The following PHKB variants were observed in gnomAD, a reference collection of about 807,000 sequenced individuals.
PHKB encodes phosphorylase kinase regulatory subunit beta, also known as phosphorylase b kinase regulatory subunit beta.
Under a neutral mutation model 152.1 loss-of-function variants are expected in PHKB, and 122 were observed. The observed-to-expected ratio is 0.80, with a 90% CI of 0.69 to 0.93. The LOEUF (loss-of-function observed/expected upper bound fraction) is 0.93, where lower values mean the gene tolerates loss of function less well. Ranked by LOEUF, PHKB falls within the 40% of genes least tolerant of loss-of-function variation. The pLI, the probability that PHKB is intolerant of heterozygous loss-of-function variation, is 0.00. For missense variants in PHKB, 1,304 were observed against 1,328.4 expected, an observed-to-expected ratio of 0.98 and a Z score of 0.29; for synonymous variants, 436 against 464.9, an observed-to-expected ratio of 0.94 and a Z score of 0.80.
chr16:47,614,188 T>C (rs968902637), intron 14 of PHKB, among the ~76,000 whole-genome samples: 11 of 152,130 alleles, frequency 7.2e-5, no homozygotes, highest in African/African-American at 2.7e-4. Flanking sequence ...TACACATTTT[T>C]AAACAACCAG....
chr16:47,493,188 G>C (rs1316621337), intron 1 of PHKB, among the ~76,000 whole-genome samples: 1 of 152,154 alleles, frequency 6.6e-6, no homozygotes, highest in Non-Finnish European at 1.5e-5. Flanking sequence ...TATGCTTGCT[G>C]TCTCATTCCT....
intron 14 of PHKB, among the ~76,000 whole-genome samples, chr16:47,611,725 A>G (rs535058829): frequency 6.6e-6 from 1 of 152,270 alleles, no homozygotes; most frequent in East Asian, 1.9e-4. Flanking sequence ...AGAAAGGGAG[A>G]GCCAACAGCC....
chr16:47,535,544 G>A (rs924107507), intron 6 of PHKB, among the ~76,000 whole-genome samples: 1 of 152,130 alleles, frequency 6.6e-6, no homozygotes, highest in African/African-American at 2.4e-5. Flanking sequence ...ATTGTTTTTA[G>A]TAACATATGG....
At chr16:47,632,660 G>A (rs1430913617) in intron 14 of PHKB, among the ~76,000 whole-genome samples, 3 of 152,096 alleles carry the variant, frequency 2.0e-5, no homozygotes, top group Admixed American at 2.0e-4. Context: ...TTTCATAATT[G>A]TTAAATTTTT....
At chr16:47,634,369 C>T (rs1972879410) in intron 14 of PHKB, among the ~76,000 whole-genome samples, 1 of 152,176 alleles carries the variant, frequency 6.6e-6, no homozygotes, top group Non-Finnish European at 1.5e-5. Flanking sequence ...CTTGCATGGG[C>T]AGTCATTCAT....
chr16:47,604,660 T>C (rs146395645), intron 13 of PHKB, among the ~76,000 whole-genome samples: 12 of 152,324 alleles, frequency 7.9e-5, no homozygotes, highest in African/African-American at 2.9e-4. Context: ...ACTTGCTCTG[T>C]TAAGTTTTCT....
At chr16:47,547,601 A>C in intron 7 of PHKB, 53 bp downstream of exon 7, 2 of 962,568 alleles carry the variant, frequency 2.1e-6, no homozygotes, top group South Asian at 2.7e-5. Flanking sequence ...ATGGAATTTG[A>C]ATATGAAGAA....
At chr16:47,533,500 C>T (rs868039060) in intron 6 of PHKB, among the ~76,000 whole-genome samples, 3 of 152,190 alleles carry the variant, frequency 2.0e-5, no homozygotes, top group South Asian at 2.1e-4. Flanking sequence ...CCGCCCTCAA[C>T]CCTGCCTTGG....
chr16:47,478,886 T>A (rs1969916844), intron 1 of PHKB, among the ~76,000 whole-genome samples: 1 of 152,168 alleles, frequency 6.6e-6, no homozygotes, highest in Non-Finnish European at 1.5e-5. Context: ...TACAGTAGCA[T>A]AAAGAAATGA....
At chr16:47,628,845 A>G (rs1028753744) in intron 14 of PHKB, among the ~76,000 whole-genome samples, 14 of 152,162 alleles carry the variant, frequency 9.2e-5, no homozygotes, top group Non-Finnish European at 2.1e-4. Flanking sequence ...ATGGAACAGA[A>G]CAGAGCCCTC....
At chr16:47,636,819 C>T (rs759081978) in intron 14 of PHKB, among the ~76,000 whole-genome samples, 3 of 152,100 alleles carry the variant, frequency 2.0e-5, no homozygotes, top group Admixed American at 2.0e-4. Context: ...GGCTCCTGGG[C>T]GGGTCCCTGG....
In PHKB at chr16:47,669,305, A is replaced by G. The variant is rs1341452744; in HGVS notation, c.2518A>G (p.Asn840Asp). 1.2e-6 allele frequency: 2 copies of G among 1,613,968 alleles called. No individual in the cohort carries two copies. Among genetic ancestry groups the G allele is most frequent in the Non-Finnish European group, 1.7e-6 (2 of 1,179,804 alleles). ...VIQNIIYYKC[N>D]THDEREAVIQ... is the part of the protein sequence containing the mutation. Reference sequence around the variant, plus strand: ...TCAAAACATCATCTATTATAAGTGTAACACCCATGATGAGAGGGAAGCGGT... The same window carrying G: ...TCAAAACATCATCTATTATAAGTGTGACACCCATGATGAGAGGGAAGCGGT... Residue 840 changes from asparagine to aspartate, a missense_variant, in exon 26 of 31, where the codon AAC becomes GAC. Asn to Asp is a conservative substitution (Grantham distance 23). Transcript: ENST00000323584.
intron 14 of PHKB, among the ~76,000 whole-genome samples, chr16:47,633,397 T>A (rs901517376): frequency 6.6e-6 from 1 of 152,114 alleles, no homozygotes; most frequent in Non-Finnish European, 1.5e-5. Flanking sequence ...ACATCCTAAG[T>A]GAGAAAAGTA....
At chr16:47,578,181 TCTTA>T (rs771644418) in intron 7 of PHKB, among the ~76,000 whole-genome samples, 8 of 152,226 alleles carry the variant, frequency 5.3e-5, no homozygotes, top group South Asian at 2.1e-4. Context: ...ACTTTCTGTT[TCTTA>T]CTTAAGGATT....
intron 14 of PHKB, among the ~76,000 whole-genome samples, chr16:47,615,245 G>A (rs886763994): frequency 5.3e-5 from 8 of 152,160 alleles, no homozygotes; most frequent in African/African-American, 1.9e-4. Context: ...AGCAGGGGTC[G>A]AGTAGACCTG....
chr16:47,464,970 T>C (rs1229784510), intron 1 of PHKB, among the ~76,000 whole-genome samples: 1 of 152,230 alleles, frequency 6.6e-6, no homozygotes, highest in African/African-American at 2.4e-5. Flanking sequence ...ACCATAGCCT[T>C]TCAGAAGTGT....
At chr16:47,510,502 A>G (rs1970492406) in intron 4 of PHKB, among the ~76,000 whole-genome samples, 1 of 152,156 alleles carries the variant, frequency 6.6e-6, no homozygotes, top group Admixed American at 6.5e-5. Flanking sequence ...TTGCTCAGGA[A>G]ATTCGAAGGG....
chr16:47,680,821 G>A (rs1033376417), intron 26 of PHKB, among the ~76,000 whole-genome samples: 1 of 152,086 alleles, frequency 6.6e-6, no homozygotes, highest in Non-Finnish European at 1.5e-5. Flanking sequence ...GCTTTTGAAT[G>A]TGTTTGCTCT....
intron 26 of PHKB, among the ~76,000 whole-genome samples, chr16:47,677,032 G>A (rs1567352115): frequency 1.3e-5 from 2 of 152,216 alleles, no homozygotes; most frequent in African/African-American, 4.8e-5. Context: ...TCACACATCC[G>A]AAGCTTAGAG....
Sources: allele counts gnomAD v4.1 joint callset (sites outside exome capture counted in the v4.1 genomes callset), GRCh38; gene constraint gnomAD v4.1.1; transcripts MANE v1.5; gene names NCBI Gene and HGNC (gene_info 2026-07-23, HGNC 2026-07-21).